KMT2A: variants seen among roughly 807,000 people sequenced by gnomAD.
KMT2A encodes histone-lysine N-methyltransferase 2A.
KMT2A carries 16 observed loss-of-function variants against 345.3 expected under a neutral mutation model. That is an observed-to-expected ratio of 0.05 (90% CI 0.03 to 0.07). The LOEUF is 0.07. Among genes scored for constraint, KMT2A ranks in the 10% least tolerant of loss-of-function variants. KMT2A has a pLI of 1.00. For missense variants in KMT2A, 3,272 were observed against 4,841.6 expected (o/e 0.68, Z 9.62); for synonymous variants, 1,599 against 1,778.6 (o/e 0.90, Z 2.54).
At chr11:118,509,069 A>C in intron 28 of KMT2A, 67 bp from the exon 29 acceptor site, 1 of 1,391,008 alleles carries the variant, frequency 7.2e-7, no homozygotes, top group Non-Finnish European at 1.0e-6. Flanking sequence ...TGTATAGAAA[A>C]TTCTGGGTTT....
chr11:118,506,734 A>T, intron 27 of KMT2A, 88 bp downstream of exon 27: 1 of 1,350,012 alleles, frequency 7.4e-7, no homozygotes, highest in Non-Finnish European at 1.0e-6. Flanking sequence ...CGGGAGAGAC[A>T]CTCTTCTGTT....
Position 118,503,912 on chromosome 11 carries a change from T to G in KMT2A, c.8020T>G (p.Leu2674Val), listed in dbSNP as rs1190352892. The G allele has an allele frequency of 5.0e-6, 8 of 1,614,102 alleles. No homozygotes were observed. Among genetic ancestry groups the G allele is most frequent in the Non-Finnish European group, 6.8e-6 (8 of 1,180,060 alleles). Residue 2674 changes from leucine (L) to valine (V), a missense_variant, in exon 27 of 36, where the codon TTA becomes GTA. Physicochemically the swap from Leu to Val is conservative, Grantham distance 32. Around this residue, in one of 27 missense-constraint regions of KMT2A, gnomAD observed 47 missense variants for 53.6 expected, o/e 0.88. Coordinates refer to ENST00000534358, the MANE Select transcript of KMT2A (RefSeq NM_001197104.2). This position sits in a 1 kb window ranked among gnomAD's most constrained non-coding sequence, Gnocchi z 5.3. ...AGGACAGGTGGATGGGGCCGATGACTTAAGCACTTCAGATGAAGACGACTT... is the reference window on the plus strand; with the variant it reads ...AGGACAGGTGGATGGGGCCGATGACGTAAGCACTTCAGATGAAGACGACTT... The part of the protein sequence containing the change: ...AEGQVDGADD[L>V]STSDEDDLYY...
Position 118,505,678 on chromosome 11 carries a change from C to G in KMT2A, c.9786C>G (p.Pro3262=). Residue 3262 remains proline (P), a synonymous_variant, in exon 27 of 36, where the codon CCC becomes CCG. Coordinates refer to ENST00000534358, the MANE Select transcript of KMT2A (RefSeq NM_001197104.2). The surrounding 1 kb of genome is among the most constrained non-coding windows in gnomAD (Gnocchi z 4.6). ...ATATGACATTGATTAACTTCACACC[C>G]TCCCAGCTTCCTAATCATCCAAGTC... The part of the protein sequence containing the change: ...VSNMTLINFT[P]SQLPNHPSLL... 1.9e-6 allele frequency: 3 copies of G among 1,614,192 alleles called. No individual in the cohort carries two copies. Among genetic ancestry groups the G allele is most frequent in the Non-Finnish European group, 2.5e-6 (3 of 1,180,030 alleles).
chr11:118,484,255 A>T lies in KMT2A; in HGVS notation c.4159A>T (p.Asn1387Tyr). 6.2e-7 allele frequency: 1 copy of T among 1,614,194 alleles called. No homozygotes were observed. Among genetic ancestry groups the T allele is most frequent in the Non-Finnish European group, 8.5e-7 (1 of 1,180,004 alleles). The part of the protein sequence containing the change: ...LNILSTLSNG[N>Y]SSKQKIPADG... ...CATCCTCAGCACTCTCTCCAATGGC[A>T]ATAGTTCTAAGCAAAAAATTCCAGC... Residue 1387 changes from asparagine to tyrosine, a missense_variant, in exon 9 of 36, where the codon AAT becomes TAT. Asn to Tyr is a moderately radical substitution (Grantham distance 143). Around this residue, in one of 27 missense-constraint regions of KMT2A, gnomAD observed 168 missense variants for 216.0 expected, o/e 0.78. Transcript: ENST00000534358. This position sits in a 1 kb window ranked among gnomAD's most constrained non-coding sequence, Gnocchi z 4.1.
Position 118,524,938 on chromosome 11 carries a change from G to A in KMT2A, c.*2766G>A. The A allele has an allele frequency of 4.9e-6, 1 of 203,804 alleles. No individual in the cohort carries two copies. Among genetic ancestry groups the A allele is most frequent in the Non-Finnish European group, 1.0e-5 (1 of 99,138 alleles). 12.6% of individuals were successfully genotyped at this position (203,804 alleles called of 1,614,324 possible). A position where few individuals can be genotyped will look rare whatever the true frequency, so the allele number is the denominator to read the frequency against. The stretch of plus-strand genomic sequence containing the variant: ...GAGGAACCCACAGCTTCCTTCTCCT[G>A]CCAGCTGCAGATGGTTTGCCTTGCC... On this transcript the variant is annotated 3_prime_UTR_variant, in exon 36 of 36. Coordinates refer to ENST00000534358, the MANE Select transcript of KMT2A (RefSeq NM_001197104.2).
Position 118,526,776 on chromosome 11 carries a change from ACT to A in KMT2A, c.*4605_*4606del, listed in dbSNP as rs1951091471. On this transcript the variant is annotated 3_prime_UTR_variant, in exon 36 of 36. Coordinates refer to ENST00000534358, the MANE Select transcript of KMT2A (RefSeq NM_001197104.2). ...TTTTAAACATGTTTATTTTCTATGC[ACT>A]TTTTTTTATTTAAGTGATAGTTTAA... The A allele has an allele frequency of 8.9e-6, 2 of 225,568 alleles. No homozygotes were observed. Among genetic ancestry groups the A allele is most frequent in the Non-Finnish European group, 1.8e-5 (2 of 113,582 alleles). The allele number at this position is 225,568 out of a possible 1,614,324, so 14.0% of individuals were successfully genotyped here.
In KMT2A at chr11:118,505,585, C is replaced by T; in HGVS notation, c.9693C>T (p.Thr3231=). 6.2e-7 allele frequency: 1 copy of T among 1,614,022 alleles called. No homozygotes were observed. The highest frequency in any genetic ancestry group is 1.3e-5 in the African/African-American group (1 of 74,994). Reference sequence around the variant, plus strand: ...AAAGACCCATATCTCGTCTACAGACCCGAAAGAATAAAAAACTTGCTCCCT... The same window carrying T: ...AAAGACCCATATCTCGTCTACAGACTCGAAAGAATAAAAAACTTGCTCCCT... ...LKKRPISRLQ[T]RKNKKLAPSS... is the part of the protein sequence containing the mutation. The change falls in exon 27 of 36, where the codon ACC becomes ACT. Residue 3231 remains threonine, a synonymous_variant. Transcript: ENST00000534358. This position sits in a 1 kb window ranked among gnomAD's most constrained non-coding sequence, Gnocchi z 4.6.
rs781793601 is a variant in KMT2A, at chr11:118,436,779, C to CTCGTCT, written c.279_284dup (p.Ser97_Ser98dup). 2.1e-5 allele frequency: 33 copies of CTCGTCT among 1,605,230 alleles called. No individual in the cohort carries two copies. The highest frequency in any genetic ancestry group is 3.3e-5 in the South Asian group (3 of 90,350). On this transcript the variant is annotated inframe_insertion, in exon 1 of 36. Transcript: ENST00000534358. This position sits in a 1 kb window ranked among gnomAD's most constrained non-coding sequence, Gnocchi z 6.9. ...CCTCAGCAGCCTCCTCGTCGTCCGCCTCGTCTTCGTCTTCGTCATCGTCCT... is the reference window on the plus strand; with the variant it reads ...CCTCAGCAGCCTCCTCGTCGTCCGCCTCGTCTTCGTCTTCGTCTTCGTCATCGTCCT...
intron 1 of KMT2A, among the ~76,000 whole-genome samples, chr11:118,438,445 G>T (rs1835520791): frequency 7.1e-6 from 1 of 139,870 alleles, no homozygotes; most frequent in South Asian, 2.6e-4. Context: ...GTAGAGGGGG[G>T]AGGATGGCAT....
Position 118,506,427 on chromosome 11 carries a change from C to T in KMT2A, c.10535C>T (p.Pro3512Leu). 6.2e-7 allele frequency: 1 copy of T among 1,614,190 alleles called. No homozygotes were observed. Among genetic ancestry groups the T allele is most frequent in the South Asian group, 1.1e-5 (1 of 91,090 alleles). Residue 3512 changes from proline (P) to leucine (L), a missense_variant, in exon 27 of 36, where the codon CCC becomes CTC. By Grantham distance (98) the Pro-to-Leu change is moderately conservative. Around this residue, in one of 27 missense-constraint regions of KMT2A, gnomAD observed 748 missense variants for 922.2 expected, o/e 0.81. Transcript: ENST00000534358. ...KALSSAVQAS[P>L]TSPGGSPSSP... ...TTATCCTCAGCTGTGCAAGCCAGCC[C>T]CACCTCTCCTGGGGGTTCTCCATCC...
intron 6 of KMT2A, among the ~76,000 whole-genome samples, chr11:118,481,279 CTCTCTG>C (rs1197184376): frequency 6.6e-6 from 1 of 152,034 alleles, no homozygotes; most frequent in Admixed American, 6.6e-5. Flanking sequence ...AACTATCATT[CTCTCTG>C]TCTCTATCTC....
intron 8 of KMT2A, among the ~76,000 whole-genome samples, chr11:118,482,757 AAAAAAAAAAG>A (rs1292724228): frequency 2.9e-5 from 4 of 139,890 alleles, no homozygotes; most frequent in Admixed American, 2.2e-4. Context: ...TTAAACAAAA[AAAAAAAAAAG>A]AAGAAGAAGA....
At chr11:118,500,315 A>G (rs1950480353) in intron 24 of KMT2A, among the ~76,000 whole-genome samples, 1 of 152,184 alleles carries the variant, frequency 6.6e-6, no homozygotes, top group South Asian at 2.1e-4. Context: ...ATAATGATCA[A>G]ATTTTTCAAT....
intron 2 of KMT2A, among the ~76,000 whole-genome samples, chr11:118,470,332 TCTCA>T (rs1426533613): frequency 6.6e-6 from 1 of 152,130 alleles, no homozygotes; most frequent in Non-Finnish European, 1.5e-5. Context: ...TGAGACGGAG[TCTCA>T]CTCTGTCACC....
Position 118,473,829 on chromosome 11 carries a change from A to G in KMT2A, c.2670A>G (p.Lys890=), listed in dbSNP as rs782497639. Residue 890 remains lysine (K), a synonymous_variant, in exon 3 of 36, where the codon AAA becomes AAG. Coordinates refer to ENST00000534358, the MANE Select transcript of KMT2A (RefSeq NM_001197104.2). The surrounding 1 kb of genome is among the most constrained non-coding windows in gnomAD (Gnocchi z 5.2). ...AGGAGAATAAGCGGGAGTCAAGGAA[A>G]GAGAAAAGGAAAAAGGGATCAGAAA... ...REKENKRESR[K]EKRKKGSEIQ... 1.8e-5 allele frequency: 29 copies of G among 1,614,112 alleles called. No homozygotes were observed. Among genetic ancestry groups the G allele is most frequent in the Non-Finnish European group, 2.4e-5 (28 of 1,180,044 alleles).
At chr11:118,486,129 C>T (rs1950225682) in intron 10 of KMT2A, among the ~76,000 whole-genome samples, 1 of 151,768 alleles carries the variant, frequency 6.6e-6, no homozygotes, top group Admixed American at 6.6e-5. Flanking sequence ...AATATGAAGT[C>T]CTAAAGATAA....
Position 118,484,732 on chromosome 11 carries a change from T to C in KMT2A, c.4219-130T>C, listed in dbSNP as rs1950200506. On this transcript the variant is annotated intron_variant, in intron 9 of 35. Coordinates refer to ENST00000534358, the MANE Select transcript of KMT2A (RefSeq NM_001197104.2). The surrounding 1 kb of genome is among the most constrained non-coding windows in gnomAD (Gnocchi z 4.1). ...TTAAAACTTTTTAAAGCAGCAGTTA[T>C]TTTTGGACTCATTGAAATGAAATAC... 4.4e-6 allele frequency: 3 copies of C among 687,296 alleles called. No individual in the cohort carries two copies. The African/African-American group carries it at 5.4e-5, about 12-fold the overall frequency. The allele number at this position is 687,296 out of a possible 1,614,324, so 42.6% of individuals were successfully genotyped here.
rs782543327 is a variant in KMT2A, at chr11:118,495,815, A to C, written c.5479A>C (p.Ile1827Leu). The change falls in exon 19 of 36, where the codon ATT (isoleucine) becomes CTT (leucine). Residue 1827 changes from isoleucine to leucine, a missense_variant. By Grantham distance (5) the Ile-to-Leu change is conservative. Around this residue, in one of 27 missense-constraint regions of KMT2A, gnomAD observed 235 missense variants for 503.4 expected, o/e 0.47. Coordinates refer to ENST00000534358, the MANE Select transcript of KMT2A (RefSeq NM_001197104.2). This position sits in a 1 kb window ranked among gnomAD's most constrained non-coding sequence, Gnocchi z 4.1. ...TEQPPLMKKI[I>L]PAPKPKGPGE... ...GCAGCCTCCTTTAATGAAGAAAATC[A>C]TTCCAGCTCCCAAACCCAAAGGTCC... 2.3e-5 allele frequency: 37 copies of C among 1,614,048 alleles called. No homozygotes were observed. The highest frequency in any genetic ancestry group is 2.7e-5 in the Non-Finnish European group (32 of 1,180,038).
At chr11:118,519,899 A>G (rs1950920099) in intron 32 of KMT2A, 58 bp from the exon 33 acceptor site, 1 of 1,560,864 alleles carries the variant, frequency 6.4e-7, no homozygotes, top group South Asian at 1.1e-5. Context: ...TAATGCCATC[A>G]TCCTTTACTG....
Sources: allele counts gnomAD v4.1 joint callset (sites outside exome capture counted in the v4.1 genomes callset), GRCh38; gene constraint gnomAD v4.1.1; regional missense constraint gnomAD v4.1.1; non-coding constraint Gnocchi (gnomAD v3.1); transcripts MANE v1.5; gene names NCBI Gene and HGNC (gene_info 2026-07-23, HGNC 2026-07-21).